Variants in SIK2 observed in about 807,000 individuals in gnomAD.
SIK2 encodes the protein salt inducible kinase 2.
Under a neutral mutation model 103.2 loss-of-function variants are expected in SIK2, and 29 were observed. The observed-to-expected ratio is 0.28, with a 90% CI of 0.21 to 0.38. The LOEUF is 0.38. Among genes scored for constraint, SIK2 ranks in the 10% least tolerant of loss-of-function variants. The pLI, the probability that SIK2 is intolerant of heterozygous loss-of-function variation, is 1.00. For missense variants in SIK2, 879 were observed against 1,171.0 expected, an observed-to-expected ratio of 0.75 and a Z score of 3.64; for synonymous variants, 412 against 446.1, an observed-to-expected ratio of 0.92 and a Z score of 0.96.
At position 111,670,962 on chromosome 11, in the gene SIK2, C is replaced by T. The variant is rs184568871; in HGVS notation, c.317-17039C>T. 2.2e-3 allele frequency: 369 copies of T among 166,758 alleles called. 1 individual carries two copies. The highest frequency in any genetic ancestry group is 8.4e-3 in the African/African-American group (352 of 41,864). The allele number at this position is 166,758 out of a possible 1,614,324, so 10.3% of individuals were successfully genotyped here. A position where few individuals can be genotyped will look rare whatever the true frequency, so the allele number is the denominator to read the frequency against. On this transcript the variant is annotated intron_variant, in intron 3 of 14. Coordinates refer to ENST00000304987, the MANE Select transcript of SIK2 (RefSeq NM_015191.3). ...GGGCTGCCATGGCTGTTCACTTGGA[C>T]GGGACATCAGAGGACTTAGACATCA...
intron 3 of SIK2, among the ~76,000 whole-genome samples, chr11:111,650,519 A>G (rs1011883808): frequency 2.6e-5 from 4 of 152,188 alleles, no homozygotes; most frequent in African/African-American, 9.6e-5. Context: ...ATGCTCTAGT[A>G]GAGTTATAAA....
intron 3 of SIK2, among the ~76,000 whole-genome samples, chr11:111,669,070 G>T (rs751952412): frequency 3.9e-5 from 6 of 152,214 alleles, no homozygotes; most frequent in Non-Finnish European, 7.3e-5. Flanking sequence ...ATTCAAGAAG[G>T]AAATGTATAA....
intron 3 of SIK2, among the ~76,000 whole-genome samples, chr11:111,658,464 C>A (rs1010958964): frequency 6.6e-6 from 1 of 152,014 alleles, no homozygotes; most frequent in Admixed American, 6.6e-5. Context: ...GAGATACGGC[C>A]GAGTGCAGTG....
chr11:111,730,484 A>G lies in SIK2; in HGVS notation c.*6355A>G, dbSNP rs1944151093. On this transcript the variant is annotated 3_prime_UTR_variant, in exon 15 of 15. Coordinates refer to ENST00000304987, the MANE Select transcript of SIK2 (RefSeq NM_015191.3). ...GATATCTGCACTTTGTAGAAAGGGC[A>G]AGATTATTTGCTTATATCTGAAGGG... The G allele has an allele frequency of 6.6e-6, 1 of 152,264 alleles. No homozygotes were observed. Among genetic ancestry groups the G allele is most frequent in the Admixed American group, 6.5e-5 (1 of 15,284 alleles). 9.4% of individuals were successfully genotyped at this position (152,264 alleles called of 1,614,324 possible).
intron 3 of SIK2, among the ~76,000 whole-genome samples, chr11:111,687,603 T>TA (rs202002175): frequency 0.12 from 16,383 of 136,868 alleles, 1,195 homozygotes; most frequent in Non-Finnish European, 0.18. Context: ...TTGTTTTTTT[T>TA]AAAAAAAAAA....
intron 3 of SIK2, among the ~76,000 whole-genome samples, chr11:111,624,739 G>A (rs547407629): frequency 2.6e-5 from 4 of 152,216 alleles, no homozygotes; most frequent in African/African-American, 7.2e-5. Context: ...TGAGTGCTAT[G>A]TAAATAATAA....
rs1942967737 is a variant in SIK2, at chr11:111,692,388, A to AAAAAAAAAAAAAAAAAAAAAAAAC, written c.478+4226_478+4227insAAAAAAAAAAAAAAAAAAAAAAAC. On this transcript the variant is annotated intron_variant, in intron 4 of 14. Coordinates refer to ENST00000304987, the MANE Select transcript of SIK2 (RefSeq NM_015191.3). The stretch of plus-strand genomic sequence containing the variant: ...AAAAAAAAAAAAAAAAAAAAAAAAA[A>AAAAAAAAAAAAAAAAAAAAAAAAC]CACAAAAAGGAGAGAGGGAGAGAGA... Among the ~76,000 whole-genome samples, 2 of 110,916 alleles carry AAAAAAAAAAAAAAAAAAAAAAAAC rather than the reference A, an allele frequency of 1.8e-5. 1 individual carries two copies. The allele number at this position is 110,916 out of a possible 152,430, so 72.8% of individuals were successfully genotyped here.
At chr11:111,693,115 C>T (rs568089465) in intron 4 of SIK2, among the ~76,000 whole-genome samples, 3 of 152,086 alleles carry the variant, frequency 2.0e-5, no homozygotes, top group East Asian at 1.9e-4. Context: ...GGGCGGATCA[C>T]GAGGGCAGGA....
At chr11:111,632,958 G>A (rs1942058035) in intron 3 of SIK2, among the ~76,000 whole-genome samples, 5 of 152,102 alleles carry the variant, frequency 3.3e-5, no homozygotes, top group Admixed American at 2.6e-4. Context: ...GAAGTAGGAA[G>A]CGTTTGGGCT....
chr11:111,693,643 GAATT>G (rs1171944397), intron 4 of SIK2, among the ~76,000 whole-genome samples: 7 of 152,172 alleles, frequency 4.6e-5, no homozygotes, highest in Non-Finnish European at 2.9e-5. Context: ...AAAAATCTAT[GAATT>G]AATCACACGT....
intron 12 of SIK2, 47 bp downstream of exon 12, chr11:111,721,109 G>A (rs1223966062): frequency 6.4e-7 from 1 of 1,568,266 alleles, no homozygotes; most frequent in Non-Finnish European, 8.6e-7. Context: ...AGGATGAGGT[G>A]TGAGTTTGTC....
chr11:111,626,392 A>G (rs996236396), intron 3 of SIK2, among the ~76,000 whole-genome samples: 3 of 151,426 alleles, frequency 2.0e-5, no homozygotes, highest in Admixed American at 6.6e-5. Flanking sequence ...TTTTTTTACA[A>G]AACTATTTCT....
intron 8 of SIK2, among the ~76,000 whole-genome samples, chr11:111,710,407 G>A (rs921533759): frequency 1.3e-5 from 2 of 152,092 alleles, no homozygotes; most frequent in Non-Finnish European, 2.9e-5. Flanking sequence ...ATCTTATACA[G>A]TATAGCCAGT....
chr11:111,628,047 C>T (rs1292833440), intron 3 of SIK2, among the ~76,000 whole-genome samples: 1 of 152,186 alleles, frequency 6.6e-6, no homozygotes, highest in Non-Finnish European at 1.5e-5. Flanking sequence ...GTAACTTTCA[C>T]TCACCTTCCT....
rs1268773786 is a variant in SIK2 at position 111,724,452 on chromosome 11, A to G, written c.*323A>G. 1 of 330,136 alleles carries G rather than the reference A, an allele frequency of 3.0e-6. No homozygotes were observed. The allele number at this position is 330,136 out of a possible 1,614,324, so 20.5% of individuals were successfully genotyped here. On this transcript the variant is annotated 3_prime_UTR_variant, in exon 15 of 15. Coordinates refer to ENST00000304987, the MANE Select transcript of SIK2 (RefSeq NM_015191.3). ...CATTCAGACCCAGGTGTTATGCAGG[A>G]TTACATCCGTTTATTATCAAGGGCA...
At chr11:111,656,119 G>A (rs1404385321) in intron 3 of SIK2, among the ~76,000 whole-genome samples, 1 of 152,070 alleles carries the variant, frequency 6.6e-6, no homozygotes, top group Non-Finnish European at 1.5e-5. Flanking sequence ...GAGCCTTGGG[G>A]GCAGAGGTTG....
At chr11:111,696,890 C>A (rs1257084914) in intron 4 of SIK2, among the ~76,000 whole-genome samples, 1 of 152,048 alleles carries the variant, frequency 6.6e-6, no homozygotes, top group Non-Finnish European at 1.5e-5. Context: ...ATTTCATTCC[C>A]CCCCTACTCA....
At chr11:111,686,842 T>C (rs1942852957) in intron 3 of SIK2, among the ~76,000 whole-genome samples, 1 of 152,186 alleles carries the variant, frequency 6.6e-6, no homozygotes, top group African/African-American at 2.4e-5. Flanking sequence ...GTCATGACAA[T>C]GTTTGGTTTA....
intron 9 of SIK2, among the ~76,000 whole-genome samples, chr11:111,716,758 C>T (rs1369161861): frequency 6.6e-6 from 1 of 152,004 alleles, no homozygotes; most frequent in Non-Finnish European, 1.5e-5. Context: ...ACCGTAAATT[C>T]AGGGGTACTG....
Sources: gnomAD v4.1 joint callset for allele counts (sites outside exome capture counted in the v4.1 genomes callset) on GRCh38, gnomAD v4.1.1 for gene constraint, MANE v1.5 for transcripts, NCBI Gene and HGNC (gene_info 2026-07-23, HGNC 2026-07-21) for gene names.